The following SEMA3A variants were observed in gnomAD, a reference collection of about 807,000 sequenced individuals.
SEMA3A encodes semaphorin-3A.
In SEMA3A, 29 loss-of-function variants were observed where a neutral mutation model predicts 97.9. The ratio of observed to expected loss-of-function variants is 0.30; its 90% CI spans 0.22 to 0.40. The LOEUF is 0.40. Among genes scored for constraint, SEMA3A ranks in the 10% least tolerant of loss-of-function variants. The pLI is 1.00. For missense variants in SEMA3A, 763 were observed against 951.3 expected, an observed-to-expected ratio of 0.80 and a Z score of 2.60; for synonymous variants, 321 against 323.7, an observed-to-expected ratio of 0.99 and a Z score of 0.09.
At chr7:84,011,394 A>G in intron 7 of SEMA3A, 97 bp from the exon 8 acceptor site, 1 of 789,976 alleles carries the variant, frequency 1.3e-6, no homozygotes, top group Non-Finnish European at 2.1e-6. Flanking sequence ...CATAAAATAC[A>G]GTTTCTCATG....
intron 2 of SEMA3A, among the ~76,000 whole-genome samples, chr7:84,369,464 G>A (rs889084896): frequency 5.3e-5 from 8 of 151,246 alleles, no homozygotes; most frequent in Admixed American, 4.0e-4. Context: ...CTGAAATGTA[G>A]CTTGTTTAAG....
At chr7:84,137,259 G>A (rs1472472431) in intron 1 of SEMA3A, among the ~76,000 whole-genome samples, 2 of 151,842 alleles carry the variant, frequency 1.3e-5, no homozygotes, top group African/African-American at 4.8e-5. Context: ...AAATAAGCTG[G>A]GCTTGATGGC....
intron 1 of SEMA3A, among the ~76,000 whole-genome samples, chr7:84,178,420 T>C (rs759554367): frequency 6.6e-6 from 1 of 151,846 alleles, no homozygotes; most frequent in East Asian, 1.9e-4. Flanking sequence ...ACAGGCACTG[T>C]CCAAGTCTCA....
At chr7:84,468,620 A>C (rs1391811500) in intron 1 of SEMA3A, among the ~76,000 whole-genome samples, 1 of 152,188 alleles carries the variant, frequency 6.6e-6, no homozygotes, top group Admixed American at 6.5e-5. Context: ...CTTTAGAGCT[A>C]ATGTATAAAT....
At chr7:84,071,580 CTAT>C (rs1306832856) in intron 4 of SEMA3A, among the ~76,000 whole-genome samples, 1 of 151,934 alleles carries the variant, frequency 6.6e-6, no homozygotes, top group Non-Finnish European at 1.5e-5. Flanking sequence ...CAAATTTTAC[CTAT>C]TATGTAAAGA....
intron 3 of SEMA3A, among the ~76,000 whole-genome samples, chr7:84,280,835 T>C (rs1473272963): frequency 1.3e-5 from 2 of 152,074 alleles, no homozygotes; most frequent in African/African-American, 4.8e-5. Flanking sequence ...AAAAATTGCA[T>C]TGGCATTTTT....
At chr7:84,160,174 A>C (rs562686980) in intron 1 of SEMA3A, among the ~76,000 whole-genome samples, 1 of 152,288 alleles carries the variant, frequency 6.6e-6, no homozygotes, top group African/African-American at 2.4e-5. Flanking sequence ...ATTGGTAATT[A>C]AATGTTTACT....
At chr7:84,232,163 CTT>C (rs1422118226) in intron 3 of SEMA3A, among the ~76,000 whole-genome samples, 22 of 150,574 alleles carry the variant, frequency 1.5e-4, no homozygotes, top group Admixed American at 1.0e-3. Context: ...TCAAAATTCT[CTT>C]TAAGTTATAA....
At chr7:84,310,235 A>C (rs1171913827) in intron 2 of SEMA3A, among the ~76,000 whole-genome samples, 5 of 152,094 alleles carry the variant, frequency 3.3e-5, no homozygotes, top group Non-Finnish European at 7.4e-5. Flanking sequence ...CATGTCTGAC[A>C]AGAAAAAATA....
intron 3 of SEMA3A, among the ~76,000 whole-genome samples, chr7:84,118,143 AAATTGGTTTTGAGTAT>A (rs1477436184): frequency 6.6e-6 from 1 of 152,206 alleles, no homozygotes; most frequent in Non-Finnish European, 1.5e-5. Context: ...AGATTTAACA[AAATTGGTTTTGAGTAT>A]TACTCTGTGC....
chr7:84,254,180 T>C (rs1799667115), intron 3 of SEMA3A, among the ~76,000 whole-genome samples: 2 of 152,162 alleles, frequency 1.3e-5, no homozygotes, highest in African/African-American at 2.4e-5. Flanking sequence ...AAACTTCTCA[T>C]GATGACAACA....
chr7:84,376,603 CAAAAAAAAAAAA>C (rs60380985), intron 1 of SEMA3A, among the ~76,000 whole-genome samples: 3 of 36,434 alleles, frequency 8.2e-5, no homozygotes, highest in African/African-American at 2.0e-4. Flanking sequence ...GACTCCGTCT[CAAAAAAAAAAAA>C]AAAAAAAAAA....
intron 1 of SEMA3A, among the ~76,000 whole-genome samples, chr7:84,485,898 T>C (rs182672350): frequency 3.6e-4 from 55 of 152,262 alleles, no homozygotes; most frequent in African/African-American, 1.2e-3. Context: ...CATTTAGAAA[T>C]AGTATTAATC....
At chr7:84,057,313 G>GT (rs1487777398) in intron 5 of SEMA3A, among the ~76,000 whole-genome samples, 2 of 152,170 alleles carry the variant, frequency 1.3e-5, no homozygotes, top group African/African-American at 2.4e-5. Flanking sequence ...TCATGAAAAT[G>GT]TGAGATAGTA....
chr7:84,210,697 C>T (rs1798605107), intron 3 of SEMA3A, among the ~76,000 whole-genome samples: 1 of 151,782 alleles, frequency 6.6e-6, no homozygotes, highest in African/African-American at 2.4e-5. Flanking sequence ...AAACATGGAA[C>T]TAGGAAGGCT....
upstream of SEMA3A, among the ~76,000 whole-genome samples, chr7:84,196,266 G>C (rs1356615092): frequency 6.6e-6 from 1 of 152,054 alleles, no homozygotes. Flanking sequence ...GTATTCTTAA[G>C]AAAATGATCT....
At chr7:83,963,812 T>A (rs1788572602) in intron 15 of SEMA3A, among the ~76,000 whole-genome samples, 1 of 152,232 alleles carries the variant, frequency 6.6e-6, no homozygotes. Flanking sequence ...GTTTATTTTT[T>A]ATCTGTAAAA....
intron 3 of SEMA3A, among the ~76,000 whole-genome samples, chr7:84,230,912 T>G (rs753786362): frequency 3.9e-5 from 6 of 152,016 alleles, no homozygotes; most frequent in Non-Finnish European, 7.4e-5. Context: ...AGCACTTCCC[T>G]GTTAGCAGTC....
At chr7:84,063,358 G>T (rs1247801050) in intron 4 of SEMA3A, among the ~76,000 whole-genome samples, 1 of 150,838 alleles carries the variant, frequency 6.6e-6, no homozygotes, top group African/African-American at 2.4e-5. Context: ...AAAAAGCAGA[G>T]CGCCTCTCCT....
Sources: gnomAD v4.1 joint callset for allele counts (sites outside exome capture counted in the v4.1 genomes callset) on GRCh38, gnomAD v4.1.1 for gene constraint, MANE v1.5 for transcripts, NCBI Gene and HGNC (gene_info 2026-07-23, HGNC 2026-07-21) for gene names.